The following SRBD1 variants were observed in gnomAD, a reference collection of about 807,000 sequenced individuals.
SRBD1 encodes the protein S1 RNA binding domain 1, also known as S1 RNA-binding domain-containing protein 1.
Under a neutral mutation model 115.3 loss-of-function variants are expected in SRBD1, and 88 were observed. The ratio of observed to expected loss-of-function variants is 0.76; its 90% CI spans 0.64 to 0.91. The LOEUF (loss-of-function observed/expected upper bound fraction) is 0.91. Ranked by LOEUF, SRBD1 falls within the 40% of genes least tolerant of loss-of-function variation. SRBD1 has a pLI of 0.00. For missense variants in SRBD1, 1,385 were observed against 1,177.4 expected (o/e 1.18, Z -2.58); for synonymous variants, 509 against 407.7 (o/e 1.25, Z -2.99).
At chr2:45,562,786 A>G in intron 9 of SRBD1, 30 bp from the exon 10 acceptor site, 1 of 1,457,366 alleles carries the variant, frequency 6.9e-7, no homozygotes, top group Non-Finnish European at 9.4e-7. Flanking sequence ...AAAGACTAAT[A>G]ATCCACAAAA....
Position 45,522,345 on chromosome 2 carries a change from A to AT in SRBD1, c.1874+24386dup, listed in dbSNP as rs538574457. 2.5e-3 allele frequency among the ~76,000 whole-genome samples: 377 copies of AT among 152,120 alleles called. 5 individuals are homozygous for AT. Among genetic ancestry groups the AT allele is most frequent in the African/African-American group, 8.6e-3 (355 of 41,506 alleles). On this transcript the variant is annotated intron_variant, in intron 14 of 20. Coordinates refer to ENST00000263736, the MANE Select transcript of SRBD1 (RefSeq NM_018079.5). ...AGGTATGCACCACCACACCAGGCTA[A>AT]TTTTTTTATTTTTAGTAGAGATGGA...
chr2:45,502,208 A>T lies in SRBD1; in HGVS notation c.1875-13877T>A, dbSNP rs569148220. Among the ~76,000 whole-genome samples, 5 of 152,344 alleles carry T rather than the reference A, an allele frequency of 3.3e-5. No homozygotes were observed. In the South Asian group the frequency reaches 1.0e-3, roughly 32 times the overall value. On this transcript the variant is annotated intron_variant, in intron 14 of 20. Coordinates refer to ENST00000263736, the MANE Select transcript of SRBD1 (RefSeq NM_018079.5). Reference sequence around the variant, plus strand: ...TGGAGTGGACCTCCAGCAAACTCCAACAGACCTGCAGCTAAGGGTCCTGAC... The same window carrying T: ...TGGAGTGGACCTCCAGCAAACTCCATCAGACCTGCAGCTAAGGGTCCTGAC...
At chr2:45,499,581 C>G (rs141069325) in intron 14 of SRBD1, among the ~76,000 whole-genome samples, 1 of 152,134 alleles carries the variant, frequency 6.6e-6, no homozygotes. Context: ...GACCACTGAT[C>G]GGCAGCATTT....
intron 16 of SRBD1, among the ~76,000 whole-genome samples, chr2:45,474,409 G>A (rs527990859): frequency 6.6e-6 from 1 of 152,190 alleles, no homozygotes; most frequent in African/African-American, 2.4e-5. Flanking sequence ...ATCATGCCAG[G>A]TGTCATGTAC....
intron 14 of SRBD1, among the ~76,000 whole-genome samples, chr2:45,497,050 T>C (rs913145581): frequency 6.6e-6 from 1 of 152,134 alleles, no homozygotes; most frequent in Non-Finnish European, 1.5e-5. Flanking sequence ...TAGAGTCAGA[T>C]CTTTACTTTT....
At chr2:45,505,792 T>C (rs1311016945) in intron 14 of SRBD1, among the ~76,000 whole-genome samples, 1 of 150,176 alleles carries the variant, frequency 6.7e-6, no homozygotes, top group Non-Finnish European at 1.5e-5. Flanking sequence ...AAGAGTTAAA[T>C]AATCAGACCA....
chr2:45,494,401 CT>C (rs1670392218), intron 14 of SRBD1, among the ~76,000 whole-genome samples: 1 of 151,532 alleles, frequency 6.6e-6, no homozygotes, highest in Non-Finnish European at 1.5e-5. Flanking sequence ...ATTTACCAAG[CT>C]TTCTTTTAAA....
intron 10 of SRBD1, among the ~76,000 whole-genome samples, chr2:45,556,113 T>C (rs1053695400): frequency 6.6e-6 from 1 of 152,134 alleles, no homozygotes; most frequent in Non-Finnish European, 1.5e-5. Flanking sequence ...CCATAGAAAG[T>C]GTCATACAGT....
chr2:45,412,104 AAAAACAAAAC>A (rs767066660), intron 19 of SRBD1, among the ~76,000 whole-genome samples: 10 of 152,130 alleles, frequency 6.6e-5, no homozygotes, highest in South Asian at 2.1e-4. Context: ...ATCTTGTCTC[AAAAACAAAAC>A]AAAACAAAAC....
chr2:45,498,122 C>T (rs1670518038), intron 14 of SRBD1, among the ~76,000 whole-genome samples: 1 of 152,160 alleles, frequency 6.6e-6, no homozygotes, highest in Non-Finnish European at 1.5e-5. Context: ...GAAGTGTTAT[C>T]TACTTATAAT....
chr2:45,557,035 C>A (rs1428586598), intron 10 of SRBD1, among the ~76,000 whole-genome samples: 2 of 151,516 alleles, frequency 1.3e-5, no homozygotes, highest in Non-Finnish European at 1.5e-5. Flanking sequence ...CCAAGCAAGA[C>A]AAAAGAATAA....
intron 7 of SRBD1, among the ~76,000 whole-genome samples, chr2:45,575,653 T>C (rs1458077508): frequency 1.3e-5 from 2 of 152,240 alleles, no homozygotes; most frequent in Non-Finnish European, 2.9e-5. Flanking sequence ...CTATGTTACC[T>C]ACTGAAGTAA....
At chr2:45,538,462 T>C (rs1424763538) in intron 14 of SRBD1, among the ~76,000 whole-genome samples, 2 of 152,216 alleles carry the variant, frequency 1.3e-5, no homozygotes, top group Non-Finnish European at 2.9e-5. Flanking sequence ...CAAATCCCGA[T>C]AGTGAAGTAG....
chr2:45,462,950 T>C (rs1371822012), intron 16 of SRBD1, among the ~76,000 whole-genome samples: 3 of 149,484 alleles, frequency 2.0e-5, no homozygotes, highest in Non-Finnish European at 4.4e-5. Flanking sequence ...ACAATTTTCA[T>C]TCTACACGAA....
At chr2:45,406,432 A>C (rs1667439363) in intron 19 of SRBD1, among the ~76,000 whole-genome samples, 1 of 152,196 alleles carries the variant, frequency 6.6e-6, no homozygotes, top group Non-Finnish European at 1.5e-5. Flanking sequence ...TATTTGTGGC[A>C]ACAGTGTAGA....
intron 5 of SRBD1, among the ~76,000 whole-genome samples, chr2:45,584,869 G>C (rs1440034020): frequency 6.6e-6 from 1 of 152,124 alleles, no homozygotes; most frequent in African/African-American, 2.4e-5. Flanking sequence ...ATGGGAAAAA[G>C]GCTGGGCATG....
At position 45,599,576 on chromosome 2, in the gene SRBD1, A is replaced by T. The variant is rs149873480; in HGVS notation, c.521T>A (p.Phe174Tyr). 6.2e-7 allele frequency: 1 copy of T among 1,614,082 alleles called. No individual in the cohort carries two copies. Among genetic ancestry groups the T allele is most frequent in the East Asian group, 2.2e-5 (1 of 44,876 alleles). The change falls in exon 4 of 21, where the codon TTT (phenylalanine) becomes TAT (tyrosine). Residue 174 changes from phenylalanine to tyrosine, a missense_variant. Physicochemically the swap from Phe to Tyr is conservative, Grantham distance 22. Coordinates refer to ENST00000263736, the MANE Select transcript of SRBD1 (RefSeq NM_018079.5). ...TCKKEENDDD[F>Y]TFGQSALKKI... Reference sequence around the variant, plus strand: ...CTTTAAAGCGGACTGACCAAATGTAAAGTCATCGTCATTCTCTTCCTTCTT... The same window carrying T: ...CTTTAAAGCGGACTGACCAAATGTATAGTCATCGTCATTCTCTTCCTTCTT...
At chr2:45,481,278 T>C (rs1041274683) in intron 15 of SRBD1, among the ~76,000 whole-genome samples, 13 of 152,134 alleles carry the variant, frequency 8.5e-5, no homozygotes, top group Non-Finnish European at 1.8e-4. Context: ...GGTGCTACTT[T>C]CCTGCCGGCA....
At chr2:45,565,504 C>T (rs1450467213) in intron 9 of SRBD1, among the ~76,000 whole-genome samples, 1 of 152,086 alleles carries the variant, frequency 6.6e-6, no homozygotes, top group African/African-American at 2.4e-5. Flanking sequence ...GACCTTAATA[C>T]AAGAACTAAA....
Sources: allele counts gnomAD v4.1 joint callset (sites outside exome capture counted in the v4.1 genomes callset), GRCh38; gene constraint gnomAD v4.1.1; transcripts MANE v1.5; gene names NCBI Gene and HGNC (gene_info 2026-07-23, HGNC 2026-07-21).